Variants in SDK1 observed in about 807,000 individuals in gnomAD.
The protein encoded by SDK1 is sidekick cell adhesion molecule 1.
A neutral mutation model predicts 245.5 loss-of-function variants in SDK1; 157 were observed. That is an observed-to-expected ratio of 0.64 (90% CI 0.56 to 0.73). The LOEUF is 0.73. SDK1 is among the 30% of genes least tolerant of loss of function. SDK1 has a pLI of 0.00. For synonymous variants in SDK1, 1,647 were observed against 1,278.5 expected (o/e 1.29, Z -6.15); for missense variants, 3,583 against 3,002.3 (o/e 1.19, Z -4.52).
At chr7:3,965,421 G>A (rs896957059) in intron 9 of SDK1, among the ~76,000 whole-genome samples, 6 of 152,178 alleles carry the variant, frequency 3.9e-5, no homozygotes, top group South Asian at 4.1e-4. Flanking sequence ...CTGTTACCAC[G>A]GCAGTGAGTG....
rs28435562 is a variant in SDK1 at position 3,687,746 on chromosome 7, C to T, written c.713+45641C>T. Among the ~76,000 whole-genome samples, 841 of 152,252 alleles carry T rather than the reference C, an allele frequency of 5.5e-3. 4 individuals carry two copies. The highest frequency in any genetic ancestry group is 0.02 in the African/African-American group (812 of 41,564). On this transcript the variant is annotated intron_variant, in intron 4 of 44. Coordinates refer to ENST00000404826, the MANE Select transcript of SDK1 (RefSeq NM_152744.4). ...AGCGGAGAGAGGATAGAGCTGGATGCGATCATCAGAAAGTAACACAAGAGG... is the reference window on the plus strand; with the variant it reads ...AGCGGAGAGAGGATAGAGCTGGATGTGATCATCAGAAAGTAACACAAGAGG...
At chr7:4,203,866 T>C (rs1169184899) in intron 35 of SDK1, among the ~76,000 whole-genome samples, 1 of 152,264 alleles carries the variant, frequency 6.6e-6, no homozygotes, top group Non-Finnish European at 1.5e-5. Flanking sequence ...GGTCCAGAAG[T>C]GCCTTGCTGT....
chr7:3,566,418 G>C (rs911426893), intron 1 of SDK1, among the ~76,000 whole-genome samples: 4 of 151,690 alleles, frequency 2.6e-5, no homozygotes, highest in Non-Finnish European at 5.9e-5. Flanking sequence ...GTAGAGACGG[G>C]GTTTCACTGT....
intron 1 of SDK1, among the ~76,000 whole-genome samples, chr7:3,492,903 A>G (rs529395629): frequency 5.9e-5 from 9 of 152,332 alleles, no homozygotes; most frequent in Middle Eastern, 3.4e-3. Context: ...TCATGTAATA[A>G]GTAGCTTATG....
At chr7:4,244,980 G>A (rs1394967325) in intron 43 of SDK1, among the ~76,000 whole-genome samples, 1 of 152,134 alleles carries the variant, frequency 6.6e-6, no homozygotes, top group African/African-American at 2.4e-5. Flanking sequence ...GCCAAGATAG[G>A]GTCTCCTAAT....
chr7:3,597,721 C>T (rs1415541683), intron 1 of SDK1, among the ~76,000 whole-genome samples: 1 of 152,068 alleles, frequency 6.6e-6, no homozygotes, highest in African/African-American at 2.4e-5. Context: ...AGTGCAATGG[C>T]CTCCCATAAT....
At chr7:3,436,338 A>G (rs965367193) in intron 1 of SDK1, among the ~76,000 whole-genome samples, 7 of 152,190 alleles carry the variant, frequency 4.6e-5, no homozygotes, top group South Asian at 2.1e-4. Flanking sequence ...AAAGTGTGCA[A>G]TATTGGTTTT....
chr7:3,820,393 C>T (rs554868556), intron 4 of SDK1, among the ~76,000 whole-genome samples: 2 of 152,268 alleles, frequency 1.3e-5, no homozygotes, highest in East Asian at 1.9e-4. Context: ...CACAATCTGT[C>T]CACCTCGCCC....
chr7:3,998,064 C>T (rs1456470768), intron 14 of SDK1, among the ~76,000 whole-genome samples: 1 of 152,242 alleles, frequency 6.6e-6, no homozygotes, highest in Non-Finnish European at 1.5e-5. Context: ...ATCCTGCCTG[C>T]TCCCAGCCCG....
At chr7:4,110,098 G>C (rs1035987705) in intron 22 of SDK1, among the ~76,000 whole-genome samples, 8 of 152,156 alleles carry the variant, frequency 5.3e-5, no homozygotes, top group African/African-American at 1.9e-4. Context: ...GACTGGGCCT[G>C]CCGATCTGGC....
chr7:3,634,850 T>G (rs952680673), intron 2 of SDK1, among the ~76,000 whole-genome samples: 1 of 152,248 alleles, frequency 6.6e-6, no homozygotes, highest in Non-Finnish European at 1.5e-5. Flanking sequence ...TGAAAGCAGT[T>G]CTATTTTTGG....
chr7:3,624,802 T>G (rs1328362943), intron 2 of SDK1, among the ~76,000 whole-genome samples: 1 of 151,942 alleles, frequency 6.6e-6, no homozygotes, highest in African/African-American at 2.4e-5. Flanking sequence ...TCCCAGCACT[T>G]TGGGAGGCCG....
intron 30 of SDK1, among the ~76,000 whole-genome samples, chr7:4,151,763 C>T (rs1562891516): frequency 6.6e-6 from 1 of 152,238 alleles, no homozygotes; most frequent in Non-Finnish European, 1.5e-5. Flanking sequence ...CCAGACTTCT[C>T]ACTATTCCCA....
intron 1 of SDK1, among the ~76,000 whole-genome samples, chr7:3,421,058 A>AT (rs112274032): frequency 1.1e-3 from 141 of 130,704 alleles, no homozygotes; most frequent in Middle Eastern, 8.5e-3. Flanking sequence ...GCTTTTATCA[A>AT]TTTTTTTTTT....
intron 4 of SDK1, among the ~76,000 whole-genome samples, chr7:3,774,011 G>A (rs1360998851): frequency 1.3e-5 from 2 of 152,028 alleles, no homozygotes; most frequent in South Asian, 2.1e-4. Flanking sequence ...TCAGGAGATC[G>A]AGATCATCCT....
chr7:4,092,589 G>A (rs963324155), intron 22 of SDK1, among the ~76,000 whole-genome samples: 3 of 152,300 alleles, frequency 2.0e-5, no homozygotes, highest in African/African-American at 4.8e-5. Flanking sequence ...CCTCTCACCC[G>A]GGAAGCGGTT....
In SDK1 at chr7:4,175,805, G is replaced by T; in HGVS notation, c.4967G>T (p.Ser1656Ile). Residue 1656 changes from serine (S) to isoleucine (I), a missense_variant, in exon 34 of 45, where the codon AGC (serine) becomes ATC (isoleucine). Physicochemically the swap from Ser to Ile is moderately radical, Grantham distance 142. Transcript: ENST00000404826. ...AQSSFKTVNS[S>I]STSTMCELTH... is the part of the protein sequence containing the mutation. ...AGCAGCTTCAAGACGGTGAACAGCA[G>T]CTCCACATCGACGATGTGTGAACTA... 1 of 1,613,886 alleles carries T rather than the reference G, an allele frequency of 6.2e-7. No individual in the cohort carries two copies. The highest frequency in any genetic ancestry group is 1.1e-5 in the South Asian group (1 of 91,090).
At chr7:3,988,962 G>A (rs1212899377) in intron 14 of SDK1, among the ~76,000 whole-genome samples, 1 of 152,102 alleles carries the variant, frequency 6.6e-6, no homozygotes, top group Non-Finnish European at 1.5e-5. Context: ...AGTAGATATT[G>A]GCCAGGCTGG....
intron 5 of SDK1, among the ~76,000 whole-genome samples, chr7:3,831,602 C>A (rs962779298): frequency 6.6e-6 from 1 of 152,084 alleles, no homozygotes; most frequent in Non-Finnish European, 1.5e-5. Context: ...TGAGTGTAGG[C>A]CTGATATCCT....
Sources: gnomAD v4.1 joint callset for allele counts (sites outside exome capture counted in the v4.1 genomes callset) on GRCh38, gnomAD v4.1.1 for gene constraint, MANE v1.5 for transcripts, NCBI Gene and HGNC (gene_info 2026-07-23, HGNC 2026-07-21) for gene names.